L3MBTL3: variants seen among roughly 807,000 people sequenced by gnomAD.
L3MBTL3 encodes the protein L3MBTL histone methyl-lysine binding protein 3, also known as lethal(3)malignant brain tumor-like protein 3.
L3MBTL3 carries 27 observed loss-of-function variants against 102.3 expected under a neutral mutation model. The ratio of observed to expected loss-of-function variants is 0.26; its 90% CI spans 0.19 to 0.36. The LOEUF (loss-of-function observed/expected upper bound fraction) is 0.36, where lower values mean the gene tolerates loss of function less well. Ranked by LOEUF, L3MBTL3 falls within the 10% of genes least tolerant of loss-of-function variation. L3MBTL3 has a pLI of 1.00. For synonymous variants in L3MBTL3, 340 were observed against 320.9 expected (o/e 1.06, Z -0.64); for missense variants, 798 against 955.3 (o/e 0.84, Z 2.17).
Position 130,049,750 on chromosome 6 carries a change from C to T in L3MBTL3, c.215-6C>T. 1 of 1,614,072 alleles carries T rather than the reference C, an allele frequency of 6.2e-7. No homozygotes were observed. Among genetic ancestry groups the T allele is most frequent in the Non-Finnish European group, 8.5e-7 (1 of 1,179,960 alleles). On this transcript the variant is annotated splice_region_variant and splice_polypyrimidine_tract_variant and intron_variant, in intron 4 of 22. Transcript: ENST00000361794. ...ATGCTGATGACTCCTAAATCTACAT[C>T]TCCAGCCCCGACCTCTCCCCCGAGC...
chr6:130,104,877 T>C (rs188366518), intron 19 of L3MBTL3, among the ~76,000 whole-genome samples: 1 of 152,306 alleles, frequency 6.6e-6, no homozygotes, highest in East Asian at 1.9e-4. Context: ...TACCAGTTAA[T>C]ATTTCTGCAT....
At chr6:130,030,391 G>A (rs1332779646) in intron 2 of L3MBTL3, among the ~76,000 whole-genome samples, 1 of 151,984 alleles carries the variant, frequency 6.6e-6, no homozygotes, top group African/African-American at 2.4e-5. Context: ...GGCCGGGTGC[G>A]GTGGCTCACG....
At chr6:130,031,411 TA>T (rs1779716413) in intron 2 of L3MBTL3, among the ~76,000 whole-genome samples, 1 of 152,226 alleles carries the variant, frequency 6.6e-6, no homozygotes, top group Non-Finnish European at 1.5e-5. Context: ...TGTGATGTGA[TA>T]ATAGTGCCAA....
At chr6:130,020,843 C>A (rs2114403307) in intron 1 of L3MBTL3, among the ~76,000 whole-genome samples, 1 of 151,274 alleles carries the variant, frequency 6.6e-6, no homozygotes, top group East Asian at 1.9e-4. Flanking sequence ...CCACCCCCAA[C>A]GCCTCGCATC....
chr6:130,058,155 A>G (rs937081297), intron 9 of L3MBTL3, among the ~76,000 whole-genome samples: 4 of 37,774 alleles, frequency 1.1e-4, no homozygotes, highest in Admixed American at 5.6e-4. Context: ...GTCTCAAAAA[A>G]AAAAAAAAAA....
chr6:130,103,306 C>CAGTAT (rs1428578393), intron 18 of L3MBTL3, among the ~76,000 whole-genome samples: 1 of 152,116 alleles, frequency 6.6e-6, no homozygotes, highest in Non-Finnish European at 1.5e-5. Flanking sequence ...TGTAGACTAG[C>CAGTAT]AGTATTTAAA....
intron 20 of L3MBTL3, among the ~76,000 whole-genome samples, chr6:130,124,009 C>T (rs1786424004): frequency 6.6e-6 from 1 of 152,016 alleles, no homozygotes; most frequent in Non-Finnish European, 1.5e-5. Context: ...TTGGGAGCAA[C>T]AACAGTGAGA....
intron 6 of L3MBTL3, 141 bp downstream of exon 6, chr6:130,051,549 A>G (rs1175108507): frequency 2.8e-6 from 2 of 709,958 alleles, no homozygotes; most frequent in South Asian, 2.0e-5. Flanking sequence ...TTAGGGCCAC[A>G]TGGGCCCTAA....
chr6:130,090,848 A>G, intron 16 of L3MBTL3, among the ~76,000 whole-genome samples: 1 of 152,068 alleles, frequency 6.6e-6, no homozygotes, highest in East Asian at 1.9e-4. Flanking sequence ...TGGCCTCCCA[A>G]AGTGCTGGGA....
At chr6:130,036,647 T>C (rs924321628) in intron 2 of L3MBTL3, among the ~76,000 whole-genome samples, 4 of 152,184 alleles carry the variant, frequency 2.6e-5, no homozygotes, top group East Asian at 1.9e-4. Context: ...TTTGTACATA[T>C]ATGGTTTTTA....
At chr6:130,102,039 A>G (rs891912264) in intron 18 of L3MBTL3, among the ~76,000 whole-genome samples, 2 of 151,986 alleles carry the variant, frequency 1.3e-5, no homozygotes, top group African/African-American at 2.4e-5. Context: ...CTAATAAACA[A>G]ATTCCACAAT....
At chr6:130,104,076 T>C (rs1047116421) in intron 18 of L3MBTL3, among the ~76,000 whole-genome samples, 3 of 152,162 alleles carry the variant, frequency 2.0e-5, no homozygotes, top group African/African-American at 7.2e-5. Context: ...AATCAATCAG[T>C]CTCTCTCCCA....
chr6:130,122,796 C>T (rs950904520), intron 20 of L3MBTL3, among the ~76,000 whole-genome samples: 8 of 152,138 alleles, frequency 5.3e-5, no homozygotes, highest in Admixed American at 1.3e-4. Flanking sequence ...CCTAGCTGTG[C>T]GGCTAGCTCT....
chr6:130,037,074 A>G (rs1780111044), intron 2 of L3MBTL3, among the ~76,000 whole-genome samples: 1 of 152,202 alleles, frequency 6.6e-6, no homozygotes, highest in Non-Finnish European at 1.5e-5. Flanking sequence ...AATTGAAATA[A>G]TATATGTAAA....
chr6:130,023,742 C>T (rs1329589796), intron 2 of L3MBTL3, among the ~76,000 whole-genome samples: 1 of 152,120 alleles, frequency 6.6e-6, no homozygotes, highest in East Asian at 1.9e-4. Context: ...TACCTTCGTC[C>T]AGCTTTATGA....
intron 16 of L3MBTL3, 70 bp downstream of exon 16, chr6:130,086,320 A>G: frequency 2.0e-6 from 2 of 1,015,442 alleles, no homozygotes; most frequent in Non-Finnish European, 3.0e-6. Flanking sequence ...ACTTTGGTAG[A>G]TACTTAACTT....
intron 19 of L3MBTL3, among the ~76,000 whole-genome samples, chr6:130,111,607 G>T (rs577025505): frequency 6.6e-6 from 1 of 152,356 alleles, no homozygotes; most frequent in African/African-American, 2.4e-5. Flanking sequence ...ACTAGCATAA[G>T]TTAACAGTGT....
intron 2 of L3MBTL3, among the ~76,000 whole-genome samples, chr6:130,037,006 TCA>T (rs2114632900): frequency 6.6e-6 from 1 of 152,306 alleles, no homozygotes; most frequent in East Asian, 1.9e-4. Flanking sequence ...TTTCTGCACC[TCA>T]GTTTCTTCAG....
intron 2 of L3MBTL3, among the ~76,000 whole-genome samples, chr6:130,024,973 G>A (rs1487061208): frequency 6.6e-6 from 1 of 152,132 alleles, no homozygotes; most frequent in African/African-American, 2.4e-5. Flanking sequence ...ACAATATAAT[G>A]CATTCCTTTT....
Sources: gnomAD v4.1 joint callset for allele counts (sites outside exome capture counted in the v4.1 genomes callset) on GRCh38, gnomAD v4.1.1 for gene constraint, MANE v1.5 for transcripts, NCBI Gene and HGNC (gene_info 2026-07-23, HGNC 2026-07-21) for gene names.